Variants in DPP10 observed in about 807,000 individuals in gnomAD.
DPP10 encodes dipeptidyl peptidase like 10, also known as inactive dipeptidyl peptidase 10.
DPP10 carries 33 observed loss-of-function variants against 120.9 expected under a neutral mutation model. The observed-to-expected ratio is 0.27, with a 90% CI of 0.21 to 0.37. DPP10 has a LOEUF of 0.37. DPP10 is among the 10% of genes least tolerant of loss of function. DPP10 has a pLI of 1.00. For missense variants in DPP10, 816 were observed against 942.8 expected, an observed-to-expected ratio of 0.87 and a Z score of 1.76; for synonymous variants, 337 against 326.1, an observed-to-expected ratio of 1.03 and a Z score of -0.36.
intron 1 of DPP10, among the ~76,000 whole-genome samples, chr2:115,178,326 T>G (rs2053844870): frequency 6.6e-6 from 1 of 152,098 alleles, no homozygotes; most frequent in Admixed American, 6.5e-5. Context: ...ACAATCCAGG[T>G]TCAAAGCCCG....
At chr2:114,802,441 A>G (rs775772070) in intron 1 of DPP10, among the ~76,000 whole-genome samples, 2 of 152,226 alleles carry the variant, frequency 1.3e-5, no homozygotes, top group Non-Finnish European at 2.9e-5. Context: ...CTTGTATTAA[A>G]AATAAAACCT....
chr2:114,699,872 T>C (rs1469133856), intron 1 of DPP10, among the ~76,000 whole-genome samples: 1 of 152,060 alleles, frequency 6.6e-6, no homozygotes. Flanking sequence ...GGAGAGTATG[T>C]GTCTATTTTT....
chr2:115,033,935 G>T (rs1704039581), intron 1 of DPP10, among the ~76,000 whole-genome samples: 2 of 106,812 alleles, frequency 1.9e-5, no homozygotes, highest in African/African-American at 3.7e-5. Context: ...GTCTTGCTCT[G>T]TCACCAGGCT....
At chr2:114,874,079 T>C (rs1275430137) in intron 1 of DPP10, among the ~76,000 whole-genome samples, 1 of 152,206 alleles carries the variant, frequency 6.6e-6, no homozygotes, top group African/African-American at 2.4e-5. Flanking sequence ...ATTTCTGGCA[T>C]GTTTGAAACA....
chr2:115,069,058 A>G (rs1292331029), intron 1 of DPP10, among the ~76,000 whole-genome samples: 1 of 152,048 alleles, frequency 6.6e-6, no homozygotes, highest in African/African-American at 2.4e-5. Context: ...TTGTGGTTTC[A>G]TATGCTTTAG....
chr2:115,410,227 A>G (rs1047396713), intron 3 of DPP10, among the ~76,000 whole-genome samples: 24 of 152,212 alleles, frequency 1.6e-4, no homozygotes, highest in African/African-American at 5.5e-4. Flanking sequence ...CATGAAATCA[A>G]CTCAAATGCC....
At chr2:115,372,414 T>A (rs1437354090) in intron 3 of DPP10, among the ~76,000 whole-genome samples, 1 of 149,868 alleles carries the variant, frequency 6.7e-6, no homozygotes, top group African/African-American at 2.5e-5. Context: ...GTAAAAAAAG[T>A]CTCTGCAGGT....
chr2:114,686,269 GATAATA>G (rs1008832865), intron 1 of DPP10, among the ~76,000 whole-genome samples: 23 of 151,768 alleles, frequency 1.5e-4, no homozygotes, highest in African/African-American at 2.4e-4. Context: ...CTGTTTTTCA[GATAATA>G]ATAATAATAG....
In DPP10 at chr2:114,863,335, T is replaced by TC. The variant is rs556558544; in HGVS notation, c.60+420500dup. ...ATTCTGGGAAACACATTTCTAGGAA[T>TC]CCCTTTCCTAAATGATTTTCTTTAT... On this transcript the variant is annotated intron_variant, in intron 1 of 25. Transcript: ENST00000410059. Among the ~76,000 whole-genome samples the TC allele has an allele frequency of 1.4e-3, 213 of 152,300 alleles. 2 individuals carry two copies. Among genetic ancestry groups the TC allele is most frequent in the African/African-American group, 4.6e-3 (190 of 41,574 alleles).
chr2:115,067,530 G>A (rs1706983226), intron 1 of DPP10, among the ~76,000 whole-genome samples: 2 of 148,616 alleles, frequency 1.3e-5, no homozygotes, highest in Admixed American at 1.3e-4. Context: ...GGGATCACAG[G>A]CGTGAGCCAC....
chr2:114,995,922 T>TA (rs1465214285), intron 1 of DPP10, among the ~76,000 whole-genome samples: 5 of 152,190 alleles, frequency 3.3e-5, no homozygotes, highest in Admixed American at 6.5e-5. Context: ...TATAACCAGA[T>TA]AAAGACAGTT....
At chr2:115,813,829 T>C (rs115304962) in intron 19 of DPP10, among the ~76,000 whole-genome samples, 2,776 of 152,278 alleles carry the variant, frequency 0.018, 87 homozygotes, top group African/African-American at 0.061. Context: ...CGGGAGAGTT[T>C]GGTGTTTTTA....
chr2:115,794,905 C>A (rs1684375590), intron 19 of DPP10, among the ~76,000 whole-genome samples: 2 of 152,082 alleles, frequency 1.3e-5, no homozygotes, highest in Non-Finnish European at 2.9e-5. Flanking sequence ...TACCACATTG[C>A]TTTTACATAT....
chr2:115,579,277 C>G (rs575523154), intron 5 of DPP10: 3 of 152,172 alleles, frequency 2.0e-5, no homozygotes, highest in Non-Finnish European at 4.4e-5. Context: ...GTAAGGAATA[C>G]GCACACAGAT....
At chr2:115,665,313 C>A (rs2089357910) in intron 5 of DPP10, among the ~76,000 whole-genome samples, 1 of 152,152 alleles carries the variant, frequency 6.6e-6, no homozygotes, top group Non-Finnish European at 1.5e-5. Flanking sequence ...GAGTAATTAA[C>A]ATATTGCATC....
At position 115,442,389 on chromosome 2, in the gene DPP10, G is replaced by GCGCGCA. The variant is rs57607529; in HGVS notation, c.272-57121_272-57120insCGCGCA. ...TGTGTGTGTGTGTGTGTGTGTGTGCGTGTGTCGTTTCATTAGAAATCTCTA... is the reference window on the plus strand; with the variant it reads ...TGTGTGTGTGTGTGTGTGTGTGTGCGCGCGCATGTGTCGTTTCATTAGAAATCTCTA... On this transcript the variant is annotated intron_variant, in intron 3 of 25. Coordinates refer to ENST00000410059, the MANE Select transcript of DPP10 (RefSeq NM_020868.6). Among the ~76,000 whole-genome samples, 371 of 151,516 alleles carry GCGCGCA rather than the reference G, an allele frequency of 2.4e-3. 3 individuals are homozygous for GCGCGCA. Among genetic ancestry groups the GCGCGCA allele is most frequent in the African/African-American group, 8.2e-3 (336 of 41,148 alleles).
At chr2:114,565,335 T>C (rs1689115713) in intron 1 of DPP10, among the ~76,000 whole-genome samples, 1 of 152,178 alleles carries the variant, frequency 6.6e-6, no homozygotes, top group Admixed American at 6.5e-5. Flanking sequence ...TTGGATTGGA[T>C]TGATTAAGTG....
At chr2:114,773,986 A>G (rs940709098) in intron 1 of DPP10, among the ~76,000 whole-genome samples, 1 of 152,044 alleles carries the variant, frequency 6.6e-6, no homozygotes, top group Non-Finnish European at 1.5e-5. Context: ...AAAAGTATAT[A>G]TTCTATTTGA....
intron 1 of DPP10, among the ~76,000 whole-genome samples, chr2:115,044,507 A>C (rs1440520328): frequency 6.6e-6 from 1 of 152,096 alleles, no homozygotes. Context: ...AATGCTAACC[A>C]GATCTTACAA....
Sources: gnomAD v4.1 joint callset for allele counts (sites outside exome capture counted in the v4.1 genomes callset) on GRCh38, gnomAD v4.1.1 for gene constraint, MANE v1.5 for transcripts, NCBI Gene and HGNC (gene_info 2026-07-23, HGNC 2026-07-21) for gene names.